Variants in MAF observed in about 807,000 individuals in gnomAD.
The protein encoded by MAF is MAF bZIP transcription factor, also known as transcription factor Maf.
Under a neutral mutation model 22.0 loss-of-function variants are expected in MAF, and 10 were observed. The observed-to-expected ratio is 0.45, with a 90% CI of 0.28 to 0.77. The LOEUF is 0.77. Among genes scored for constraint, MAF ranks in the 30% least tolerant of loss-of-function variants. The probability of loss-of-function intolerance (pLI) is 0.12; values close to 1 mark genes in which losing one functional copy is unlikely to be tolerated. For synonymous variants in MAF, 337 were observed against 255.8 expected (o/e 1.32, Z -3.03); for missense variants, 544 against 548.4 (o/e 0.99, Z 0.08).
the MAF span, among the ~76,000 whole-genome samples, chr16:79,476,763 T>C: frequency 6.6e-6 from 1 of 151,988 alleles, no homozygotes; most frequent in Admixed American, 6.6e-5. Flanking sequence ...AGACTTGGAG[T>C]CACATGGTAC....
At chr16:79,490,148 GC>G in the MAF span, among the ~76,000 whole-genome samples, 5 of 152,186 alleles carry the variant, frequency 3.3e-5, no homozygotes, top group Non-Finnish European at 5.9e-5. Flanking sequence ...GATAAAAAGG[GC>G]CAACGATGAC....
the MAF span, among the ~76,000 whole-genome samples, chr16:79,304,125 GA>G: frequency 6.6e-6 from 1 of 152,204 alleles, no homozygotes; most frequent in Non-Finnish European, 1.5e-5. Context: ...GGCAGGCGAA[GA>G]CAGAATATTT....
At chr16:79,376,071 G>A in the MAF span, among the ~76,000 whole-genome samples, 4 of 150,732 alleles carry the variant, frequency 2.7e-5, no homozygotes, top group Admixed American at 2.0e-4. Context: ...TTGCCTGGGA[G>A]AACAGTGAAG....
At chr16:79,263,990 C>T in the MAF span, among the ~76,000 whole-genome samples, 2 of 152,156 alleles carry the variant, frequency 1.3e-5, no homozygotes, top group Admixed American at 6.5e-5. Flanking sequence ...TGTAAGCTTT[C>T]CTGTGGCAAG....
At chr16:79,442,229 C>T in the MAF span, among the ~76,000 whole-genome samples, 1 of 152,104 alleles carries the variant, frequency 6.6e-6, no homozygotes, top group African/African-American at 2.4e-5. Flanking sequence ...AGGTGTTTTG[C>T]TGAGAAGGAA....
At chr16:79,397,825 G>C in the MAF span, among the ~76,000 whole-genome samples, 2 of 152,216 alleles carry the variant, frequency 1.3e-5, no homozygotes, top group African/African-American at 2.4e-5. Context: ...AGAAGAACCT[G>C]AGGCACCTCT....
At chr16:79,299,496 C>T in the MAF span, among the ~76,000 whole-genome samples, 9 of 152,158 alleles carry the variant, frequency 5.9e-5, no homozygotes, top group South Asian at 4.2e-4. Context: ...AGCGGGTGGC[C>T]GGAGAAGGAG....
the MAF span, among the ~76,000 whole-genome samples, chr16:79,391,593 G>T: frequency 6.6e-6 from 1 of 152,196 alleles, no homozygotes; most frequent in African/African-American, 2.4e-5. Flanking sequence ...GAGAAGTAGA[G>T]CAAGGAGTGA....
chr16:79,258,887 G>T, the MAF span, among the ~76,000 whole-genome samples: 1 of 152,134 alleles, frequency 6.6e-6, no homozygotes, highest in East Asian at 1.9e-4. Flanking sequence ...CCACTGCTGT[G>T]CGACTAGGGG....
At chr16:79,543,552 A>G in the MAF span, among the ~76,000 whole-genome samples, 1 of 152,232 alleles carries the variant, frequency 6.6e-6, no homozygotes, top group Non-Finnish European at 1.5e-5. Flanking sequence ...GCTCAGTCAC[A>G]AAATTCCTTT....
the MAF span, among the ~76,000 whole-genome samples, chr16:79,346,098 T>A: frequency 6.6e-6 from 1 of 152,122 alleles, no homozygotes; most frequent in Non-Finnish European, 1.5e-5. Context: ...TACATATGTA[T>A]ACATGTGCCA....
the MAF span, among the ~76,000 whole-genome samples, chr16:79,468,749 G>T: frequency 6.6e-6 from 1 of 152,158 alleles, no homozygotes; most frequent in Non-Finnish European, 1.5e-5. Flanking sequence ...GGGTGGCTGA[G>T]GATAAGATAA....
chr16:79,405,924 C>T, the MAF span, among the ~76,000 whole-genome samples: 1 of 152,218 alleles, frequency 6.6e-6, no homozygotes, highest in Non-Finnish European at 1.5e-5. Context: ...CTTCCAACTG[C>T]CAGCATCATC....
chr16:79,317,810 C>T, the MAF span, among the ~76,000 whole-genome samples: 1 of 152,190 alleles, frequency 6.6e-6, no homozygotes, highest in Non-Finnish European at 1.5e-5. Context: ...CTGCACTTCT[C>T]TTTGCATGAG....
chr16:79,561,369 G>A, the MAF span, among the ~76,000 whole-genome samples: 1 of 151,370 alleles, frequency 6.6e-6, no homozygotes, highest in Admixed American at 6.6e-5. Context: ...ACAACGTGCA[G>A]GTTAGTTACA....
chr16:79,437,144 C>CTGTGTGTG, the MAF span, among the ~76,000 whole-genome samples: 29 of 84,980 alleles, frequency 3.4e-4, no homozygotes, highest in African/African-American at 9.8e-4. Context: ...CTCTCTCTCT[C>CTGTGTGTG]TCTGTGTGTG....
the MAF span, among the ~76,000 whole-genome samples, chr16:79,432,956 G>C: frequency 1.3e-5 from 2 of 152,122 alleles, no homozygotes; most frequent in Admixed American, 1.3e-4. Context: ...AATTTCTATT[G>C]TATAAGCTAC....
At chr16:79,394,037 G>A in the MAF span, among the ~76,000 whole-genome samples, 1 of 152,158 alleles carries the variant, frequency 6.6e-6, no homozygotes, top group African/African-American at 2.4e-5. Flanking sequence ...CACAGAAGAG[G>A]AGACGAACGC....
the MAF span, among the ~76,000 whole-genome samples, chr16:79,326,871 G>C: frequency 2.0e-5 from 3 of 152,236 alleles, no homozygotes; most frequent in Non-Finnish European, 2.9e-5. Context: ...TAGTATCTGG[G>C]AGCCTCTGAA....
Sources: allele counts gnomAD v4.1 joint callset (sites outside exome capture counted in the v4.1 genomes callset), GRCh38; gene constraint gnomAD v4.1.1; transcripts MANE v1.5; gene names NCBI Gene and HGNC (gene_info 2026-07-23, HGNC 2026-07-21).